Variants in MPDZ observed in about 807,000 individuals in gnomAD.
MPDZ encodes the protein multiple PDZ domain crumbs cell polarity complex component.
A neutral mutation model predicts 239.1 loss-of-function variants in MPDZ; 234 were observed. That is an observed-to-expected ratio of 0.98 (90% CI 0.88 to 1.09). The LOEUF (loss-of-function observed/expected upper bound fraction) is 1.09. MPDZ is among the 50% of genes least tolerant of loss of function. The pLI, the probability that MPDZ is intolerant of heterozygous loss-of-function variation, is 0.00. For synonymous variants in MPDZ, 1,048 were observed against 881.3 expected (o/e 1.19, Z -3.35); for missense variants, 3,175 against 2,510.0 (o/e 1.26, Z -5.66).
chr9:13,110,199 A>G, intron 44 of MPDZ, 135 bp from the exon 45 acceptor site: 3 of 666,404 alleles, frequency 4.5e-6, no homozygotes, highest in Non-Finnish European at 7.7e-6. Context: ...AACATAAAAT[A>G]CAACCAAAGA....
At chr9:13,168,251 TA>T (rs376817717) in intron 22 of MPDZ, 114 bp downstream of exon 22, 274 of 946,250 alleles carry the variant, frequency 2.9e-4, no homozygotes, top group Admixed American at 3.5e-4. Context: ...TGATTTATGT[TA>T]AAAAAAATGT....
chr9:13,204,042 A>G (rs986151525), intron 12 of MPDZ, among the ~76,000 whole-genome samples: 9 of 152,182 alleles, frequency 5.9e-5, no homozygotes, highest in Non-Finnish European at 1.3e-4. Context: ...CTGCAAACAT[A>G]AATATCCCTT....
chr9:13,113,927 T>C lies in MPDZ; in HGVS notation c.5557+4A>G. On this transcript the variant is annotated splice_donor_region_variant and intron_variant, in intron 41 of 46. Transcript: ENST00000319217. ...CCATGTTTAAAATACTGAACCAATC[T>C]TACATGCATTCTTCTTTGAGCTACT... is the stretch of plus-strand genomic sequence containing the variant. 1 of 1,579,416 alleles carries C rather than the reference T, an allele frequency of 6.3e-7. No individual in the cohort carries two copies. Among genetic ancestry groups the C allele is most frequent in the Non-Finnish European group, 8.6e-7 (1 of 1,160,860 alleles).
chr9:13,155,867 C>T (rs1326975523), intron 24 of MPDZ, among the ~76,000 whole-genome samples: 1 of 152,158 alleles, frequency 6.6e-6, no homozygotes, highest in East Asian at 1.9e-4. Context: ...AACCACTACA[C>T]TAGTGAGTAC....
intron 1 of MPDZ, among the ~76,000 whole-genome samples, chr9:13,255,272 A>C (rs1018421791): frequency 6.6e-6 from 1 of 152,202 alleles, no homozygotes; most frequent in Non-Finnish European, 1.5e-5. Flanking sequence ...TTTGTAACGC[A>C]TCTTCAGTGA....
At chr9:13,210,523 C>T (rs752787706) in intron 10 of MPDZ, among the ~76,000 whole-genome samples, 4 of 151,808 alleles carry the variant, frequency 2.6e-5, no homozygotes, top group Non-Finnish European at 4.4e-5. Flanking sequence ...AGAGGCAATG[C>T]AGCAGATTGT....
At chr9:13,132,420 G>A (rs374759690) in intron 32 of MPDZ, among the ~76,000 whole-genome samples, 43 of 152,146 alleles carry the variant, frequency 2.8e-4, no homozygotes, top group East Asian at 1.4e-3. Context: ...CAAAGAACTT[G>A]AATGTATCTG....
intron 1 of MPDZ, among the ~76,000 whole-genome samples, chr9:13,275,295 A>G (rs1401568536): frequency 6.6e-6 from 1 of 152,226 alleles, no homozygotes; most frequent in African/African-American, 2.4e-5. Flanking sequence ...CTCTAACACA[A>G]TATGACTGGT....
intron 12 of MPDZ, among the ~76,000 whole-genome samples, chr9:13,202,040 T>C (rs1956444911): frequency 6.6e-6 from 1 of 152,178 alleles, no homozygotes; most frequent in Admixed American, 6.6e-5. Flanking sequence ...CTTGTATTTT[T>C]ACATTGATGA....
chr9:13,113,802 C>T (rs1018534844), intron 41 of MPDZ, 129 bp downstream of exon 41: 56 of 701,086 alleles, frequency 8.0e-5, no homozygotes, highest in South Asian at 2.6e-4. Flanking sequence ...TTTGCTAACA[C>T]GTGTTTTTGT....
Position 13,190,099 on chromosome 9 carries a change from G to C in MPDZ, c.2154+15C>G. 1 of 1,604,112 alleles carries C rather than the reference G, an allele frequency of 6.2e-7. No homozygotes were observed. The highest frequency in any genetic ancestry group is 1.1e-5 in the South Asian group (1 of 89,702). On this transcript the variant is annotated intron_variant, in intron 16 of 46. Transcript: ENST00000319217. Reference sequence around the variant, plus strand: ...AATAGGCCTTTAAAAATTGTTAAAAGTAGTATATACTTACCTGATAATCTA... The same window carrying C: ...AATAGGCCTTTAAAAATTGTTAAAACTAGTATATACTTACCTGATAATCTA...
At chr9:13,196,674 ATG>A (rs1396342109) in intron 12 of MPDZ, among the ~76,000 whole-genome samples, 1 of 152,102 alleles carries the variant, frequency 6.6e-6, no homozygotes. Flanking sequence ...CAAATAATAT[ATG>A]TAACTCCATA....
intron 12 of MPDZ, among the ~76,000 whole-genome samples, chr9:13,203,930 G>A (rs1055991216): frequency 2.0e-5 from 3 of 151,984 alleles, no homozygotes; most frequent in African/African-American, 7.2e-5. Context: ...TACAATTCCT[G>A]ATATTCACTT....
chr9:13,275,591 C>T (rs1029367071), intron 1 of MPDZ, among the ~76,000 whole-genome samples: 2 of 152,128 alleles, frequency 1.3e-5, no homozygotes, highest in African/African-American at 4.8e-5. Flanking sequence ...GTGGAAGTGG[C>T]TTTGGAACTG....
intron 27 of MPDZ, among the ~76,000 whole-genome samples, chr9:13,141,705 T>A (rs527244262): frequency 6.6e-6 from 1 of 152,294 alleles, no homozygotes; most frequent in Admixed American, 6.5e-5. Flanking sequence ...CCTAAAAATA[T>A]ATGTAACACT....
chr9:13,239,709 T>A (rs1235543767), intron 3 of MPDZ, among the ~76,000 whole-genome samples: 1 of 152,174 alleles, frequency 6.6e-6, no homozygotes, highest in Non-Finnish European at 1.5e-5. Context: ...AAGTATCATA[T>A]AAGGTACAAA....
intron 10 of MPDZ, among the ~76,000 whole-genome samples, chr9:13,211,637 G>C (rs1476258412): frequency 6.6e-6 from 1 of 151,942 alleles, no homozygotes; most frequent in Admixed American, 6.6e-5. Flanking sequence ...AGAAATATAA[G>C]GTAGTATGTA....
chr9:13,219,834 G>A (rs1460680227), intron 7 of MPDZ, 66 bp from the exon 8 acceptor site: 1 of 1,469,876 alleles, frequency 6.8e-7, no homozygotes, highest in Non-Finnish European at 9.4e-7. Context: ...AATCCTAAAT[G>A]AGAAGGGATT....
At chr9:13,217,854 A>C (rs1958557323) in intron 8 of MPDZ, among the ~76,000 whole-genome samples, 1 of 151,864 alleles carries the variant, frequency 6.6e-6, no homozygotes, top group African/African-American at 2.4e-5. Context: ...CTCATAATTC[A>C]GCATCCTGAA....
Sources: allele counts gnomAD v4.1 joint callset (sites outside exome capture counted in the v4.1 genomes callset), GRCh38; gene constraint gnomAD v4.1.1; transcripts MANE v1.5; gene names NCBI Gene and HGNC (gene_info 2026-07-23, HGNC 2026-07-21).